Variants in ESYT3 observed in about 807,000 individuals in gnomAD.
The protein encoded by ESYT3 is extended synaptotagmin-3.
Under a neutral mutation model 111.5 loss-of-function variants are expected in ESYT3, and 101 were observed. The ratio of observed to expected loss-of-function variants is 0.91; its 90% confidence interval spans 0.77 to 1.07. The LOEUF (loss-of-function observed/expected upper bound fraction) is 1.07. ESYT3 is among the 50% of genes least tolerant of loss of function. The pLI is 0.00. For synonymous variants in ESYT3, 416 were observed against 446.8 expected, an observed-to-expected ratio of 0.93 and a Z score of 0.87; for missense variants, 1,097 against 1,109.4, an observed-to-expected ratio of 0.99 and a Z score of 0.16.
intron 8 of ESYT3, among the ~76,000 whole-genome samples, chr3:138,462,878 G>T (rs1322526798): frequency 6.6e-6 from 1 of 152,088 alleles, no homozygotes; most frequent in East Asian, 1.9e-4. Context: ...GGCCAGGCTG[G>T]TCTCAAACTC....
At chr3:138,468,743 C>T (rs1395003242) in intron 13 of ESYT3, 26 bp downstream of exon 13, 5 of 1,613,938 alleles carry the variant, frequency 3.1e-6, no homozygotes, top group Non-Finnish European at 4.2e-6. Flanking sequence ...TCCAGAGTGT[C>T]ACACAAACGC....
chr3:138,451,792 G>A (rs2031946380), intron 1 of ESYT3, among the ~76,000 whole-genome samples: 1 of 151,526 alleles, frequency 6.6e-6, no homozygotes. Flanking sequence ...CGGAATCGGT[G>A]CCAGCTCGTT....
At chr3:138,442,709 T>C (rs2031247079) in intron 1 of ESYT3, among the ~76,000 whole-genome samples, 1 of 152,252 alleles carries the variant, frequency 6.6e-6, no homozygotes, top group African/African-American at 2.4e-5. Flanking sequence ...CTTGTACATA[T>C]CTGTAGCTTC....
intron 14 of ESYT3, 55 bp downstream of exon 14, chr3:138,468,936 C>G: frequency 2.6e-6 from 4 of 1,557,758 alleles, no homozygotes; most frequent in Non-Finnish European, 3.5e-6. Context: ...GCTTCTCTCC[C>G]CAGAGTAACC....
intron 9 of ESYT3, 63 bp from the exon 10 acceptor site, chr3:138,465,276 C>T: frequency 7.7e-7 from 1 of 1,302,334 alleles, no homozygotes; most frequent in African/African-American, 1.5e-5. Flanking sequence ...GATTTGGCTC[C>T]CTTTGGGTCA....
intron 16 of ESYT3, 157 bp downstream of exon 16, chr3:138,470,303 C>T: frequency 7.4e-7 from 1 of 1,356,870 alleles, no homozygotes; most frequent in South Asian, 1.5e-5. Context: ...AAGGCCTCAT[C>T]TCCTTAAGGC....
intron 9 of ESYT3, among the ~76,000 whole-genome samples, 172 bp from the exon 10 acceptor site, chr3:138,465,167 C>T (rs2032861413): frequency 6.6e-6 from 1 of 152,224 alleles, no homozygotes; most frequent in Non-Finnish European, 1.5e-5. Context: ...TTTCTCTAAT[C>T]TTCTCTTCCC....
At chr3:138,476,725 C>G in intron 22 of ESYT3, 93 bp from the exon 23 acceptor site, 1 of 1,310,994 alleles carries the variant, frequency 7.6e-7, no homozygotes. Context: ...GCTGGTCTTA[C>G]AGAGGCCCAG....
chr3:138,470,503 G>A lies in ESYT3; in HGVS notation c.1590+357G>A, dbSNP rs940544114. 6 of 1,111,524 alleles carry A rather than the reference G, an allele frequency of 5.4e-6. No homozygotes were observed. The South Asian group carries it at 1.7e-4, about 31-fold the overall frequency. The allele number at this position is 1,111,524 out of a possible 1,614,324, so 68.9% of individuals were successfully genotyped here. A position where few individuals can be genotyped will look rare whatever the true frequency, so the allele number is the denominator to read the frequency against. ...TCTTCACAAAAGATCTGTAGAGTAA[G>A]CAAAGAGAGGCAAAAACAATGTCTT... On this transcript the variant is annotated intron_variant, in intron 16 of 22. Coordinates refer to ENST00000389567, the MANE Select transcript of ESYT3 (RefSeq NM_031913.5).
chr3:138,454,899 CTAA>C (rs2032175810), intron 2 of ESYT3, among the ~76,000 whole-genome samples: 1 of 152,204 alleles, frequency 6.6e-6, no homozygotes, highest in African/African-American at 2.4e-5. Flanking sequence ...AAAGGGCTTT[CTAA>C]TAATAAATGT....
In ESYT3 at chr3:138,452,098, G is replaced by A. The variant is rs1310412666; in HGVS notation, c.369+9G>A. The A allele has an allele frequency of 2.5e-6, 4 of 1,607,406 alleles. No individual in the cohort carries two copies. The highest frequency in any genetic ancestry group is 3.4e-5 in the Admixed American group (2 of 59,698). On this transcript the variant is annotated intron_variant, in intron 2 of 22. Coordinates refer to ENST00000389567, the MANE Select transcript of ESYT3 (RefSeq NM_031913.5). ...TCGAGTGGGCCAACAAGGTAAGGCC[G>A]CTGGCAGGGCCTAGCAGGGCCGGAC...
chr3:138,472,557 A>AACC lies in ESYT3; in HGVS notation c.1943_1945dup (p.Thr648dup). 6.2e-7 allele frequency: 1 copy of AACC among 1,614,176 alleles called. No individual in the cohort carries two copies. The highest frequency in any genetic ancestry group is 8.5e-7 in the Non-Finnish European group (1 of 1,180,026). On this transcript the variant is annotated inframe_insertion, in exon 18 of 23. Transcript: ENST00000389567. ...CTAAGGACGTATCCAGGAGTACCAC[A>AACC]ACCACCACCAGTGCTACCACCGTTG...
rs757355786 is a variant in ESYT3 at position 138,469,417 on chromosome 3, T to C, written c.1435-19T>C. 223 of 1,609,080 alleles carry C rather than the reference T, an allele frequency of 1.4e-4. No homozygotes were observed. The highest frequency in any genetic ancestry group is 1.8e-4 in the Non-Finnish European group (206 of 1,175,630). ...ATTGACTATGCCACCTTCACTGTTA[T>C]GGATTTGATTCCTCACAGAACAAGG... On this transcript the variant is annotated intron_variant, in intron 14 of 22. Coordinates refer to ENST00000389567, the MANE Select transcript of ESYT3 (RefSeq NM_031913.5).
chr3:138,470,877 G>C lies in ESYT3; in HGVS notation c.1591G>C (p.Val531Leu), dbSNP rs199856688. The C allele has an allele frequency of 2.5e-5, 40 of 1,614,012 alleles. No homozygotes were observed. Among genetic ancestry groups the C allele is most frequent in the Non-Finnish European group, 3.4e-5 (40 of 1,180,012 alleles). The change falls in exon 17 of 23, where the codon GTG (valine) becomes CTG (leucine). Residue 531 changes from valine to leucine, a missense_variant and splice_region_variant. By Grantham distance (32) the Val-to-Leu change is conservative (BLOSUM62 1). Coordinates refer to ENST00000389567, the MANE Select transcript of ESYT3 (RefSeq NM_031913.5). ...NVATERLHLK[V>L]LDDDQECALG... The stretch of plus-strand genomic sequence containing the variant: ...GTTTTGTGACTGGACCACTGCCCAG[G>C]TGCTTGATGATGACCAGGAGTGTGC...
chr3:138,442,594 G>T (rs373555842), intron 1 of ESYT3, among the ~76,000 whole-genome samples: 1 of 152,296 alleles, frequency 6.6e-6, no homozygotes, highest in East Asian at 1.9e-4. Context: ...ACAGGGCCCT[G>T]AGCATGTGTC....
At chr3:138,453,332 A>G (rs2032064140) in intron 2 of ESYT3, among the ~76,000 whole-genome samples, 1 of 152,138 alleles carries the variant, frequency 6.6e-6, no homozygotes, top group Non-Finnish European at 1.5e-5. Flanking sequence ...TTCATCTTGG[A>G]TGGGGAGACA....
At chr3:138,472,018 A>G (rs926054007) in intron 17 of ESYT3, among the ~76,000 whole-genome samples, 1 of 152,198 alleles carries the variant, frequency 6.6e-6, no homozygotes, top group African/African-American at 2.4e-5. Flanking sequence ...TCTTCCCTTC[A>G]GCTCCTAGCC....
intron 7 of ESYT3, 141 bp from the exon 8 acceptor site, chr3:138,461,945 C>T (rs1350730349): frequency 4.1e-6 from 5 of 1,207,240 alleles, no homozygotes; most frequent in African/African-American, 1.5e-5. Flanking sequence ...CACCCCTACC[C>T]AGGCAAGTGG....
At chr3:138,476,770 AACAC>A in intron 22 of ESYT3, 44 bp from the exon 23 acceptor site, 1 of 1,589,994 alleles carries the variant, frequency 6.3e-7, no homozygotes, top group Non-Finnish European at 8.6e-7. Context: ...CTGTTACCAC[AACAC>A]ACTGTCATTA....
Sources: allele counts gnomAD v4.1 joint callset (sites outside exome capture counted in the v4.1 genomes callset), GRCh38; gene constraint gnomAD v4.1.1; transcripts MANE v1.5; gene names NCBI Gene and HGNC (gene_info 2026-07-23, HGNC 2026-07-21).